DENND1B: variants seen among roughly 807,000 people sequenced by gnomAD.
DENND1B encodes DENN domain containing 1B.
Under a neutral mutation model 90.1 loss-of-function variants are expected in DENND1B, and 59 were observed. The observed-to-expected ratio is 0.65, with a 90% CI of 0.53 to 0.81. DENND1B has a LOEUF of 0.81. Ranked by LOEUF, DENND1B falls within the 40% of genes least tolerant of loss-of-function variation. The pLI is 0.00. For missense variants in DENND1B, 862 were observed against 912.6 expected (o/e 0.94, Z 0.71); for synonymous variants, 337 against 324.6 (o/e 1.04, Z -0.41).
intron 18 of DENND1B, among the ~76,000 whole-genome samples, chr1:197,543,604 A>G (rs1288255728): frequency 6.6e-6 from 1 of 152,200 alleles, no homozygotes; most frequent in Non-Finnish European, 1.5e-5. Flanking sequence ...ATCTCTTCAA[A>G]AACTGCACTT....
At chr1:197,769,496 G>A (rs575896970) in intron 2 of DENND1B, among the ~76,000 whole-genome samples, 24 of 152,240 alleles carry the variant, frequency 1.6e-4, no homozygotes, top group Non-Finnish European at 3.4e-4. Context: ...TCTTATAACC[G>A]CAAGAAATCT....
chr1:197,637,115 C>G (rs779444032), intron 10 of DENND1B, among the ~76,000 whole-genome samples: 27 of 151,868 alleles, frequency 1.8e-4, no homozygotes, highest in Non-Finnish European at 3.8e-4. Context: ...ATTAAAGAAA[C>G]AAAACCAACA....
At chr1:197,562,412 T>G (rs962639844) in intron 15 of DENND1B, among the ~76,000 whole-genome samples, 131 of 152,094 alleles carry the variant, frequency 8.6e-4, no homozygotes, top group African/African-American at 3.0e-3. Context: ...CTGTGTCATA[T>G]TTTGGAAACT....
intron 14 of DENND1B, among the ~76,000 whole-genome samples, chr1:197,589,705 T>G (rs1316212021): frequency 6.6e-6 from 1 of 152,170 alleles, no homozygotes; most frequent in African/African-American, 2.4e-5. Context: ...AATCAAAAAA[T>G]GTTTGAAAGA....
chr1:197,740,213 C>T (rs1377340547), intron 2 of DENND1B, among the ~76,000 whole-genome samples: 2 of 152,022 alleles, frequency 1.3e-5, no homozygotes, highest in Non-Finnish European at 2.9e-5. Flanking sequence ...TAGAAGTAAA[C>T]AAAAAATGCA....
chr1:197,591,796 C>T (rs147580176), intron 14 of DENND1B, among the ~76,000 whole-genome samples: 168 of 152,114 alleles, frequency 1.1e-3, no homozygotes, highest in African/African-American at 3.8e-3. Context: ...AAGTAATGCA[C>T]GTTCAGGAAA....
At chr1:197,577,292 A>C (rs566019835) in intron 15 of DENND1B, among the ~76,000 whole-genome samples, 2 of 152,282 alleles carry the variant, frequency 1.3e-5, no homozygotes, top group East Asian at 3.9e-4. Flanking sequence ...CCATAGCTAC[A>C]TTGCGGTATA....
At position 197,630,401 on chromosome 1, in the gene DENND1B, A is replaced by G. The variant is rs145855607; in HGVS notation, c.672+12310T>C. ...CCTCACACGGCAGGAGGGACTGAAC[A>G]GCTCCCTTGAAGCTCTTTTATAAGG... is the stretch of plus-strand genomic sequence containing the variant. On this transcript the variant is annotated intron_variant, in intron 10 of 22. Transcript: ENST00000620048. Among the ~76,000 whole-genome samples, 48 of 152,202 alleles carry G rather than the reference A, an allele frequency of 3.2e-4. No homozygotes were observed. In the East Asian group the frequency reaches 7.9e-3, roughly 25 times the overall value.
At chr1:197,648,806 C>T (rs1010203045) in intron 7 of DENND1B, among the ~76,000 whole-genome samples, 3 of 152,102 alleles carry the variant, frequency 2.0e-5, no homozygotes, top group Admixed American at 2.0e-4. Flanking sequence ...TTCCCTATAG[C>T]CTATTTGGGC....
At chr1:197,539,531 T>C (rs1670172361) in intron 20 of DENND1B, among the ~76,000 whole-genome samples, 1 of 152,182 alleles carries the variant, frequency 6.6e-6, no homozygotes, top group African/African-American at 2.4e-5. Flanking sequence ...TTATAGCAAA[T>C]AAAATAATCT....
chr1:197,538,936 G>A (rs1670122950), intron 20 of DENND1B, among the ~76,000 whole-genome samples: 1 of 152,082 alleles, frequency 6.6e-6, no homozygotes, highest in African/African-American at 2.4e-5. Context: ...ACCATGGGAT[G>A]ACACAGCAAG....
intron 2 of DENND1B, among the ~76,000 whole-genome samples, chr1:197,718,642 T>C (rs1239026991): frequency 6.6e-6 from 1 of 152,014 alleles, no homozygotes; most frequent in Non-Finnish European, 1.5e-5. Flanking sequence ...AAATATAATT[T>C]AGAGAGTCAC....
intron 2 of DENND1B, among the ~76,000 whole-genome samples, chr1:197,732,643 T>A (rs1212501541): frequency 6.6e-6 from 1 of 152,146 alleles, no homozygotes; most frequent in African/African-American, 2.4e-5. Context: ...ATAAGTTACA[T>A]ACATTAATAC....
At chr1:197,766,007 A>C (rs569151590) in intron 2 of DENND1B, among the ~76,000 whole-genome samples, 1 of 152,350 alleles carries the variant, frequency 6.6e-6, no homozygotes, top group East Asian at 1.9e-4. Context: ...TTTCTATATA[A>C]ATCAAGAAGG....
intron 18 of DENND1B, among the ~76,000 whole-genome samples, chr1:197,544,633 C>A (rs185017551): frequency 2.6e-4 from 39 of 150,988 alleles, no homozygotes; most frequent in Admixed American, 2.3e-3. Context: ...TTGTCTTGGG[C>A]CACACATAAA....
At chr1:197,672,437 T>G (rs1655607953) in intron 4 of DENND1B, among the ~76,000 whole-genome samples, 2 of 152,066 alleles carry the variant, frequency 1.3e-5, no homozygotes. Flanking sequence ...AGACTAAAAG[T>G]GCTCATATTT....
chr1:197,728,098 C>T (rs1558450858), intron 2 of DENND1B, among the ~76,000 whole-genome samples: 5 of 152,098 alleles, frequency 3.3e-5, no homozygotes, highest in Non-Finnish European at 7.4e-5. Flanking sequence ...AGTTCTCAAC[C>T]CTTTCTGTTC....
At chr1:197,583,945 T>C (rs1674470036) in intron 14 of DENND1B, among the ~76,000 whole-genome samples, 1 of 152,194 alleles carries the variant, frequency 6.6e-6, no homozygotes, top group Non-Finnish European at 1.5e-5. Flanking sequence ...CACTGGCTAA[T>C]TCCTACCACC....
intron 15 of DENND1B, among the ~76,000 whole-genome samples, chr1:197,564,397 A>C (rs1457851747): frequency 1.3e-4 from 13 of 98,524 alleles, no homozygotes; most frequent in African/African-American, 5.2e-4. Context: ...TCCACCAGCA[A>C]AAAAAAAAAA....
Sources: allele counts gnomAD v4.1 joint callset (sites outside exome capture counted in the v4.1 genomes callset), GRCh38; gene constraint gnomAD v4.1.1; transcripts MANE v1.5; gene names NCBI Gene and HGNC (gene_info 2026-07-23, HGNC 2026-07-21).